The following CLMP variants were observed in gnomAD, a reference collection of about 807,000 sequenced individuals.
CLMP encodes CXADR-like membrane protein.
In CLMP, 27 loss-of-function variants were observed where a neutral mutation model predicts 45.2. The observed-to-expected ratio is 0.60, with a 90% CI of 0.44 to 0.82. The LOEUF (loss-of-function observed/expected upper bound fraction) is 0.82, where lower values mean the gene tolerates loss of function less well. Ranked by LOEUF, CLMP falls within the 40% of genes least tolerant of loss-of-function variation. The probability of loss-of-function intolerance (pLI) is 0.00; values close to 1 mark genes in which losing one functional copy is unlikely to be tolerated. For synonymous variants in CLMP, 167 were observed against 171.4 expected, an observed-to-expected ratio of 0.97 and a Z score of 0.20; for missense variants, 403 against 448.4, an observed-to-expected ratio of 0.90 and a Z score of 0.91.
chr11:123,110,358 A>G (rs954240590), intron 1 of CLMP, among the ~76,000 whole-genome samples: 16 of 151,518 alleles, frequency 1.1e-4, no homozygotes, highest in Non-Finnish European at 2.4e-4. Flanking sequence ...GGAGGCTGAG[A>G]TGGGAGAATC....
intron 1 of CLMP, among the ~76,000 whole-genome samples, chr11:123,194,166 C>G (rs1261427009): frequency 1.3e-5 from 2 of 152,022 alleles, no homozygotes; most frequent in Non-Finnish European, 2.9e-5. Flanking sequence ...CTGGGGGACC[C>G]CAGGAAGGGA....
intron 1 of CLMP, among the ~76,000 whole-genome samples, chr11:123,133,021 G>A (rs1180194545): frequency 6.6e-6 from 1 of 151,986 alleles, no homozygotes; most frequent in African/African-American, 2.4e-5. Flanking sequence ...TGCCTGCCTC[G>A]GCCTCCCAAA....
At chr11:123,127,155 T>C (rs191274511) in intron 1 of CLMP, among the ~76,000 whole-genome samples, 10 of 152,272 alleles carry the variant, frequency 6.6e-5, no homozygotes, top group Admixed American at 6.5e-4. Flanking sequence ...AGAGTCTCTC[T>C]CTGTCACCCA....
intron 2 of CLMP, among the ~76,000 whole-genome samples, chr11:123,093,744 C>T (rs554874299): frequency 1.7e-4 from 25 of 146,502 alleles, no homozygotes; most frequent in Admixed American, 1.5e-3. Flanking sequence ...GAAAAATGAA[C>T]ATCAATTTAG....
intron 1 of CLMP, among the ~76,000 whole-genome samples, chr11:123,193,440 A>C (rs752637667): frequency 2.6e-5 from 4 of 152,268 alleles, no homozygotes; most frequent in Non-Finnish European, 5.9e-5. Flanking sequence ...ACCTAGTGGT[A>C]GAGTCCAGTA....
chr11:123,106,379 G>GGA (rs758933559), intron 1 of CLMP, among the ~76,000 whole-genome samples: 4,413 of 142,832 alleles, frequency 0.031, 109 homozygotes, highest in Non-Finnish European at 0.048. Flanking sequence ...TAATTCTGTA[G>GGA]GAGGTGTGTG....
chr11:123,102,283 T>TTG (rs1446704900), intron 1 of CLMP, among the ~76,000 whole-genome samples: 12 of 145,568 alleles, frequency 8.2e-5, no homozygotes, highest in African/African-American at 3.1e-4. Context: ...TTCCAGGTTT[T>TTG]TTTTTTTTTT....
Position 123,083,123 on chromosome 11 carries a change from G to T in CLMP, c.641C>A (p.Ala214Asp), listed in dbSNP as rs1240579520. 6.2e-7 allele frequency: 1 copy of T among 1,614,138 alleles called. No homozygotes were observed. Among genetic ancestry groups the T allele is most frequent in the Admixed American group, 1.7e-5 (1 of 60,010 alleles). Residue 214 changes from alanine to aspartate, a missense_variant, in exon 5 of 7, where the codon GCT (alanine) becomes GAT (aspartate). By Grantham distance (126) the Ala-to-Asp change is moderately radical. Coordinates refer to ENST00000448775, the MANE Select transcript of CLMP (RefSeq NM_024769.5). The stretch of plus-strand genomic sequence containing the variant: ...TCGCACCACACAGCTTTCCTTCCCA[G>T]CTTCGTTGCCTGCTGTGCACTGGTA... ...GLYQCTAGNEAGKESCVVRVT... is the reference protein window; with the variant it reads ...GLYQCTAGNEDGKESCVVRVT...
intron 1 of CLMP, among the ~76,000 whole-genome samples, chr11:123,181,222 C>T (rs1037216503): frequency 9.2e-5 from 14 of 152,180 alleles, no homozygotes; most frequent in South Asian, 2.1e-4. Flanking sequence ...CCAACACCGC[C>T]ACACAGCCTG....
At chr11:123,166,202 T>C (rs1213501908) in intron 1 of CLMP, among the ~76,000 whole-genome samples, 1 of 152,198 alleles carries the variant, frequency 6.6e-6, no homozygotes, top group East Asian at 1.9e-4. Flanking sequence ...GCCCAAGTTC[T>C]GGGGCACTGG....
intron 1 of CLMP, 30 bp downstream of exon 1, chr11:123,194,883 C>A (rs926154258): frequency 1.7e-5 from 28 of 1,613,144 alleles, no homozygotes; most frequent in Non-Finnish European, 2.4e-5. Flanking sequence ...CCACGGCCAT[C>A]CAAACTCCCG....
chr11:123,082,115 ACACT>A (rs1011241261), intron 5 of CLMP, among the ~76,000 whole-genome samples: 9 of 152,034 alleles, frequency 5.9e-5, no homozygotes, highest in Non-Finnish European at 1.3e-4. Flanking sequence ...ATGCACATAC[ACACT>A]CACAAACACT....
chr11:123,088,250 T>A (rs1035478577), intron 2 of CLMP, among the ~76,000 whole-genome samples: 8 of 152,082 alleles, frequency 5.3e-5, no homozygotes, highest in African/African-American at 1.9e-4. Context: ...GCTGACTTAG[T>A]AATGCAAAAT....
At chr11:123,170,912 C>A (rs1042461981) in intron 1 of CLMP, among the ~76,000 whole-genome samples, 9 of 152,162 alleles carry the variant, frequency 5.9e-5, no homozygotes, top group Non-Finnish European at 1.0e-4. Flanking sequence ...ACTGGGCAAA[C>A]CAAGACGAAT....
At chr11:123,150,029 T>A (rs1267307969) in intron 1 of CLMP, among the ~76,000 whole-genome samples, 1 of 151,948 alleles carries the variant, frequency 6.6e-6, no homozygotes, top group Non-Finnish European at 1.5e-5. Context: ...GGTCTTGAAC[T>A]CCTGACCTCA....
At chr11:123,173,013 C>G (rs553013119) in intron 1 of CLMP, among the ~76,000 whole-genome samples, 1 of 152,310 alleles carries the variant, frequency 6.6e-6, no homozygotes, top group East Asian at 1.9e-4. Flanking sequence ...TTGCATGACA[C>G]CTTTTCAGGA....
intron 1 of CLMP, among the ~76,000 whole-genome samples, chr11:123,131,338 G>GA (rs1043674477): frequency 1.0e-4 from 15 of 150,358 alleles, no homozygotes; most frequent in Non-Finnish European, 1.8e-4. Flanking sequence ...AAAAAATACA[G>GA]AAAAAAAAGA....
rs531210831 is a variant in CLMP at position 123,134,749 on chromosome 11, A to G, written c.29-36797T>C. 9.9e-5 allele frequency among the ~76,000 whole-genome samples: 15 copies of G among 152,074 alleles called. No individual in the cohort carries two copies. In the East Asian group the frequency reaches 2.5e-3, roughly 26 times the overall value. On this transcript the variant is annotated intron_variant, in intron 1 of 6. Coordinates refer to ENST00000448775, the MANE Select transcript of CLMP (RefSeq NM_024769.5). ...CTTGAACCCAGGAGGTGGAGGTTAC[A>G]GTGAACTGAGATTGTGCCACTGCAC...
intron 1 of CLMP, among the ~76,000 whole-genome samples, chr11:123,166,240 T>C (rs1861554975): frequency 6.6e-6 from 1 of 152,008 alleles, no homozygotes; most frequent in African/African-American, 2.4e-5. Flanking sequence ...AGGTTTCTAG[T>C]AGTTACTGTG....
Sources: gnomAD v4.1 joint callset for allele counts (sites outside exome capture counted in the v4.1 genomes callset) on GRCh38, gnomAD v4.1.1 for gene constraint, MANE v1.5 for transcripts, NCBI Gene and HGNC (gene_info 2026-07-23, HGNC 2026-07-21) for gene names.